The following ANKHD1 variants were observed in gnomAD, a reference collection of about 807,000 sequenced individuals.
ANKHD1 encodes the protein ankyrin repeat and KH domain containing 1.
ANKHD1 carries 31 observed loss-of-function variants against 230.5 expected under a neutral mutation model. That is an observed-to-expected ratio of 0.13 (90% CI 0.10 to 0.18). ANKHD1 has a LOEUF of 0.18. ANKHD1 is among the 10% of genes least tolerant of loss of function. The pLI is 1.00. For synonymous variants in ANKHD1, 1,074 were observed against 1,117.6 expected (o/e 0.96, Z 0.78); for missense variants, 2,256 against 3,071.3 (o/e 0.73, Z 6.27).
rs1446455555 is a variant in ANKHD1, at chr5:140,528,977, G to A, written c.6031G>A (p.Ala2011Thr). 6.2e-7 allele frequency: 1 copy of A among 1,614,028 alleles called. No individual in the cohort carries two copies. Among genetic ancestry groups the A allele is most frequent in the Non-Finnish European group, 8.5e-7 (1 of 1,180,046 alleles). The change falls in exon 29 of 34, where the codon GCA becomes ACA. Residue 2011 changes from alanine (A) to threonine (T), a missense_variant. Physicochemically the swap from Ala to Thr is moderately conservative, Grantham distance 58. Transcript: ENST00000360839. ...ATTTCTACCTGCAAGTACTTCTCAA[G>A]CACAGCTTTCTTCACAAAAGATGGA... Reference protein sequence around the residue: ...TTFLPASTSQAQLSSQKMESF... With the variant: ...TTFLPASTSQTQLSSQKMESF...
intron 25 of ANKHD1, among the ~76,000 whole-genome samples, chr5:140,525,586 T>G (rs1753566036): frequency 6.6e-6 from 1 of 152,158 alleles, no homozygotes; most frequent in Non-Finnish European, 1.5e-5. Flanking sequence ...ATTTCTTTAT[T>G]TCAGCTGGGC....
intron 22 of ANKHD1, among the ~76,000 whole-genome samples, chr5:140,510,415 T>C (rs1409027401): frequency 6.8e-6 from 1 of 146,120 alleles, no homozygotes; most frequent in African/African-American, 2.5e-5. Flanking sequence ...CAGGTTCAAG[T>C]GATTCTCCTG....
intron 1 of ANKHD1, among the ~76,000 whole-genome samples, chr5:140,409,112 T>A (rs1403610231): frequency 1.3e-5 from 2 of 152,206 alleles, no homozygotes; most frequent in African/African-American, 4.8e-5. Flanking sequence ...GCTACCGGTC[T>A]AGAGGCCACT....
intron 29 of ANKHD1, among the ~76,000 whole-genome samples, chr5:140,534,329 T>G (rs1753978926): frequency 6.6e-6 from 1 of 151,774 alleles, no homozygotes; most frequent in Non-Finnish European, 1.5e-5. Context: ...GAGGCGGAGC[T>G]TGCAGTGAGC....
Position 140,426,286 on chromosome 5 carries a change from G to A in ANKHD1, c.307-9818G>A, listed in dbSNP as rs548222477. 2.0e-3 allele frequency among the ~76,000 whole-genome samples: 309 copies of A among 152,106 alleles called. 1 individual carries two copies. Among genetic ancestry groups the A allele is most frequent in the Non-Finnish European group, 3.2e-3 (215 of 67,984 alleles). ...TGGGACTACAGGCACACACCATCAC[G>A]CCTGGCTAATTTTTGTATTTTTGGT... On this transcript the variant is annotated intron_variant, in intron 1 of 33. Transcript: ENST00000360839.
intron 4 of ANKHD1, 130 bp from the exon 5 acceptor site, chr5:140,440,865 C>T (rs1773796800): frequency 8.2e-7 from 1 of 1,223,462 alleles, no homozygotes; most frequent in Admixed American, 4.0e-5. Context: ...ATAATTTTTT[C>T]AAAAGGTCAT....
chr5:140,469,938 T>TA (rs1436486726), intron 10 of ANKHD1, among the ~76,000 whole-genome samples: 1 of 152,050 alleles, frequency 6.6e-6, no homozygotes, highest in East Asian at 1.9e-4. Context: ...GGCTGGCTAG[T>TA]ACTGGTATTT....
At chr5:140,466,208 T>A (rs5011956) in intron 10 of ANKHD1, among the ~76,000 whole-genome samples, 101,053 of 151,828 alleles carry the variant, frequency 0.67, 34,054 homozygotes, top group East Asian at 0.83. Flanking sequence ...CCGGACTAAC[T>A]TGGTGAAACC....
At chr5:140,520,492 C>T (rs569019401) in intron 24 of ANKHD1, among the ~76,000 whole-genome samples, 12 of 151,826 alleles carry the variant, frequency 7.9e-5, no homozygotes, top group African/African-American at 2.4e-4. Context: ...ATGTTTATTG[C>T]GGCATTATTC....
At chr5:140,446,865 C>T (rs953916939) in intron 6 of ANKHD1, among the ~76,000 whole-genome samples, 4 of 152,038 alleles carry the variant, frequency 2.6e-5, no homozygotes, top group African/African-American at 2.4e-5. Flanking sequence ...GTATCATGGA[C>T]ATTTTTCATC....
chr5:140,438,941 C>T (rs552223947), intron 3 of ANKHD1, among the ~76,000 whole-genome samples: 3 of 152,138 alleles, frequency 2.0e-5, no homozygotes, highest in Admixed American at 1.3e-4. Flanking sequence ...AACTCTAAAC[C>T]GAGTGCTTGA....
rs568060871 is a variant in ANKHD1 at position 140,464,844 on chromosome 5, A to G, written c.1782+68A>G. 78 of 1,439,092 alleles carry G rather than the reference A, an allele frequency of 5.4e-5. No homozygotes were observed. The Middle Eastern group carries it at 1.3e-3, about 24-fold the overall frequency. The allele number at this position is 1,439,092 out of a possible 1,614,324, so 89.1% of individuals were successfully genotyped here. ...TATCCATTTATACTTAACATTTAGA[A>G]AACACTAAAGATCAATGGTTTGCGT... On this transcript the variant is annotated intron_variant, in intron 10 of 33. Transcript: ENST00000360839.
intron 6 of ANKHD1, among the ~76,000 whole-genome samples, chr5:140,447,069 T>C (rs1366404809): frequency 6.6e-6 from 1 of 152,006 alleles, no homozygotes; most frequent in Non-Finnish European, 1.5e-5. Flanking sequence ...GCCACATGTC[T>C]GGCTAATTTT....
In ANKHD1 at chr5:140,438,487, G is replaced by A; in HGVS notation, c.487G>A (p.Gly163Ser). Residue 163 changes from glycine to serine, a missense_variant, in exon 3 of 34, where the codon GGT (glycine) becomes AGT (serine). Gly to Ser is a moderately conservative substitution (Grantham distance 56). Around this residue, in one of 13 missense-constraint regions of ANKHD1, gnomAD observed 206 missense variants for 304.5 expected, o/e 0.68. Transcript: ENST00000360839. ...AATTGGCAAATTGTCAACTGCTGAT[G>A]GTAAAGCTTTTGCAGATCCTGAGGT... ...AGIGKLSTAD[G>S]KAFADPEVLR... 3.1e-6 allele frequency: 5 copies of A among 1,611,582 alleles called. No homozygotes were observed. Among genetic ancestry groups the A allele is most frequent in the Non-Finnish European group, 4.2e-6 (5 of 1,178,470 alleles).
chr5:140,526,097 A>G lies in ANKHD1; in HGVS notation c.4594A>G (p.Arg1532Gly). 6.2e-7 allele frequency: 1 copy of G among 1,613,522 alleles called. No individual in the cohort carries two copies. Among genetic ancestry groups the G allele is most frequent in the Non-Finnish European group, 8.5e-7 (1 of 1,179,900 alleles). Residue 1532 changes from arginine (R) to glycine (G), a missense_variant, in exon 26 of 34, where the codon AGG becomes GGG. Physicochemically the swap from Arg to Gly is moderately radical, Grantham distance 125. This residue lies in a region of ANKHD1 where 212 missense variants were observed against 257.3 expected (regional missense o/e 0.82). Coordinates refer to ENST00000360839, the MANE Select transcript of ANKHD1 (RefSeq NM_017747.3). ...ATTCACAAATGTGTTTGGGAAAAAA[A>G]GGGCCAATGTGGTGACAACTCCCAG... ...ATFTNVFGKK[R>G]ANVVTTPSTN...
In ANKHD1 at chr5:140,505,842, A is replaced by G; in HGVS notation, c.3381A>G (p.Ser1127=). 1 of 1,601,980 alleles carries G rather than the reference A, an allele frequency of 6.2e-7. No individual in the cohort carries two copies. Among genetic ancestry groups the G allele is most frequent in the Non-Finnish European group, 8.5e-7 (1 of 1,176,308 alleles). The part of the protein sequence containing the change: ...QSERTKDTPL[S]LACSGGRQEV... Reference sequence around the variant, plus strand: ...AACGAACTAAGGATACTCCGCTTTCATTGGCATGTTCTGGTGGACGTCAGG... The same window carrying G: ...AACGAACTAAGGATACTCCGCTTTCGTTGGCATGTTCTGGTGGACGTCAGG... The change falls in exon 18 of 34, where the codon TCA becomes TCG. Residue 1127 remains serine, a synonymous_variant. Coordinates refer to ENST00000360839, the MANE Select transcript of ANKHD1 (RefSeq NM_017747.3).
intron 1 of ANKHD1, among the ~76,000 whole-genome samples, chr5:140,417,572 C>T (rs1425166935): frequency 6.6e-6 from 1 of 151,970 alleles, no homozygotes; most frequent in Non-Finnish European, 1.5e-5. Flanking sequence ...CCTCGGCCTC[C>T]TAAGTATAGC....
At chr5:140,529,887 C>T in intron 29 of ANKHD1, 91 bp downstream of exon 29, 7 of 1,518,270 alleles carry the variant, frequency 4.6e-6, no homozygotes, top group Non-Finnish European at 6.2e-6. Context: ...AGAGGTAAAT[C>T]AGTCACATAT....
chr5:140,413,793 T>A (rs938936056), intron 1 of ANKHD1, among the ~76,000 whole-genome samples: 1 of 152,162 alleles, frequency 6.6e-6, no homozygotes, highest in African/African-American at 2.4e-5. Context: ...GTTTTGTTTT[T>A]TTTTGGAGAT....
Sources: gnomAD v4.1 joint callset for allele counts (sites outside exome capture counted in the v4.1 genomes callset) on GRCh38, gnomAD v4.1.1 for gene constraint, gnomAD v4.1.1 regional missense constraint, MANE v1.5 for transcripts, NCBI Gene and HGNC (gene_info 2026-07-23, HGNC 2026-07-21) for gene names.